The following EAPP variants were observed in gnomAD, a reference collection of about 807,000 sequenced individuals.
EAPP encodes E2F-associated phosphoprotein.
EAPP carries 38 observed loss-of-function variants against 34.3 expected under a neutral mutation model. That is an observed-to-expected ratio of 1.11 (90% confidence interval 0.85 to 1.45). The LOEUF is 1.45. Among genes scored for constraint, EAPP ranks in the 40% most tolerant of loss-of-function variants. The probability of loss-of-function intolerance (pLI) is 0.00; values close to 1 mark genes in which losing one functional copy is unlikely to be tolerated. For synonymous variants in EAPP, 113 were observed against 117.6 expected, an observed-to-expected ratio of 0.96 and a Z score of 0.25; for missense variants, 338 against 343.7, an observed-to-expected ratio of 0.98 and a Z score of 0.13.
intron 4 of EAPP, among the ~76,000 whole-genome samples, chr14:34,525,456 A>G (rs1382951687): frequency 1.3e-5 from 2 of 152,190 alleles, no homozygotes; most frequent in Non-Finnish European, 2.9e-5. Context: ...GTTCTTACTT[A>G]TAAAAATCCA....
At chr14:34,536,744 G>A (rs920723732) in intron 1 of EAPP, among the ~76,000 whole-genome samples, 4 of 151,202 alleles carry the variant, frequency 2.6e-5, no homozygotes, top group African/African-American at 7.3e-5. Context: ...ACAGAGTCTC[G>A]CTCTTGTCGC....
rs2138225820 is a variant in EAPP at position 34,536,292 on chromosome 14, T to C, written c.75-17A>G. The C allele has an allele frequency of 6.4e-7, 1 of 1,558,474 alleles. No homozygotes were observed. The highest frequency in any genetic ancestry group is 8.7e-7 in the Non-Finnish European group (1 of 1,155,918). On this transcript the variant is annotated splice_polypyrimidine_tract_variant and intron_variant, in intron 1 of 5. Coordinates refer to ENST00000250454, the MANE Select transcript of EAPP (RefSeq NM_018453.4). ...TCCTCAGAGCTAGCATACATTTAAA[T>C]CAAAAAGAATATGAATATTTAAAAA...
chr14:34,521,961 T>G (rs371040960), intron 5 of EAPP, among the ~76,000 whole-genome samples: 103 of 151,762 alleles, frequency 6.8e-4, no homozygotes, highest in African/African-American at 2.4e-3. Context: ...TTTTATTTTA[T>G]TTTGTTCTTC....
At chr14:34,522,742 GAGGATAGGGATATCCCAGT>G (rs2138887960) in intron 5 of EAPP, among the ~76,000 whole-genome samples, 1 of 152,306 alleles carries the variant, frequency 6.6e-6, no homozygotes, top group East Asian at 1.9e-4. Flanking sequence ...GGGTCCCAAA[GAGGATAGGGATATCCCAGT>G]AGGATGGGAA....
chr14:34,528,326 A>G (rs1197534201), intron 4 of EAPP, among the ~76,000 whole-genome samples: 1 of 150,506 alleles, frequency 6.6e-6, no homozygotes, highest in Non-Finnish European at 1.5e-5. Flanking sequence ...GTGAGCCATC[A>G]TGCCCAGCCT....
rs1180289298 is a variant in EAPP, at chr14:34,528,415, C to CTTT, written c.470+940_470+942dup. 1.7e-3 allele frequency among the ~76,000 whole-genome samples: 91 copies of CTTT among 54,032 alleles called. 1 individual carries two copies. Among genetic ancestry groups the CTTT allele is most frequent in the African/African-American group, 5.2e-3 (77 of 14,786 alleles). 35.4% of individuals were successfully genotyped at this position (54,032 alleles called of 152,430 possible). On this transcript the variant is annotated intron_variant, in intron 4 of 5. Transcript: ENST00000250454. ...AAATCCACTCTTCATCCACAAAACC[C>CTTT]TTTTTTTTTTTTTTTTTTTTTTTTG...
At chr14:34,526,044 T>A (rs1419011256) in intron 4 of EAPP, among the ~76,000 whole-genome samples, 13 of 149,854 alleles carry the variant, frequency 8.7e-5, no homozygotes, top group African/African-American at 2.2e-4. Context: ...ATAAAAAAAA[T>A]AATAATGTAT....
chr14:34,521,455 T>C (rs930978335), intron 5 of EAPP, among the ~76,000 whole-genome samples: 3 of 152,094 alleles, frequency 2.0e-5, no homozygotes, highest in Non-Finnish European at 4.4e-5. Context: ...ATTTAATCTT[T>C]TGAGATAATA....
At chr14:34,516,725 A>C (rs887763643) in intron 5 of EAPP, 139 bp from the exon 6 acceptor site, 1 of 832,966 alleles carries the variant, frequency 1.2e-6, no homozygotes, top group Non-Finnish European at 1.8e-6. Context: ...AGCAAGTTTA[A>C]AGAAATTTTA....
chr14:34,536,051 C>G lies in EAPP; in HGVS notation c.256+43G>C, dbSNP rs535088063. On this transcript the variant is annotated intron_variant, in intron 2 of 5. Coordinates refer to ENST00000250454, the MANE Select transcript of EAPP (RefSeq NM_018453.4). ...AGCACAAATAAGGTTCCTGCCCTTA[C>G]AGAGCTTACAAAAATATATATAAAA... 2.7e-6 allele frequency: 4 copies of G among 1,484,554 alleles called. No individual in the cohort carries two copies. In the East Asian group the frequency reaches 6.9e-5, roughly 26 times the overall value. The allele number at this position is 1,484,554 out of a possible 1,614,324, so 92.0% of individuals were successfully genotyped here. A position where few individuals can be genotyped will look rare whatever the true frequency, so the allele number is the denominator to read the frequency against.
At chr14:34,535,120 GCCA>G (rs1237457204) in intron 2 of EAPP, among the ~76,000 whole-genome samples, 1 of 145,848 alleles carries the variant, frequency 6.9e-6, no homozygotes, top group Non-Finnish European at 1.5e-5. Context: ...ACAAGCATGA[GCCA>G]CCACGCCTGG....
intron 4 of EAPP, 111 bp downstream of exon 4, chr14:34,529,247 G>T: frequency 2.6e-6 from 2 of 767,486 alleles, no homozygotes; most frequent in Admixed American, 3.2e-5. Context: ...TTTTGTTTGT[G>T]TGTGTGTGTT....
intron 2 of EAPP, among the ~76,000 whole-genome samples, chr14:34,534,939 A>C (rs1432064897): frequency 6.6e-6 from 1 of 151,724 alleles, no homozygotes; most frequent in Non-Finnish European, 1.5e-5. Flanking sequence ...TCCCGGGTTT[A>C]AGCGATTCTC....
At chr14:34,537,678 T>C (rs150165997) in intron 1 of EAPP, among the ~76,000 whole-genome samples, 26 of 152,356 alleles carry the variant, frequency 1.7e-4, no homozygotes, top group African/African-American at 6.0e-4. Flanking sequence ...CAAGCTCAAG[T>C]AGTCTTTAGC....
At chr14:34,525,363 C>T (rs1880060635) in intron 4 of EAPP, among the ~76,000 whole-genome samples, 1 of 152,064 alleles carries the variant, frequency 6.6e-6, no homozygotes. Context: ...GCAAGGTGAT[C>T]GAGGTCAATA....
intron 5 of EAPP, among the ~76,000 whole-genome samples, chr14:34,520,566 A>G (rs1361065644): frequency 6.6e-6 from 1 of 151,826 alleles, no homozygotes; most frequent in African/African-American, 2.4e-5. Context: ...CAGTGGTGCA[A>G]TCTCAGCTCA....
intron 1 of EAPP, among the ~76,000 whole-genome samples, chr14:34,537,948 T>C (rs928568268): frequency 6.6e-6 from 1 of 152,218 alleles, no homozygotes; most frequent in African/African-American, 2.4e-5. Flanking sequence ...TCTCCCTTTT[T>C]AAAATAATAA....
intron 4 of EAPP, 60 bp from the exon 5 acceptor site, chr14:34,524,867 TG>T: frequency 7.4e-7 from 1 of 1,350,590 alleles, no homozygotes. Context: ...TGGTTTCTAG[TG>T]TCATTTTCCA....
At chr14:34,527,082 A>G (rs1880120061) in intron 4 of EAPP, among the ~76,000 whole-genome samples, 1 of 150,698 alleles carries the variant, frequency 6.6e-6, no homozygotes. Context: ...AGACAGAAGA[A>G]TCGCTTGAAC....
Sources: allele counts gnomAD v4.1 joint callset (sites outside exome capture counted in the v4.1 genomes callset), GRCh38; gene constraint gnomAD v4.1.1; transcripts MANE v1.5; gene names NCBI Gene and HGNC (gene_info 2026-07-23, HGNC 2026-07-21).